PDLIM1: variants seen among roughly 807,000 people sequenced by gnomAD.
The protein encoded by PDLIM1 is PDZ and LIM domain 1.
PDLIM1 carries 25 observed loss-of-function variants against 35.2 expected under a neutral mutation model. The ratio of observed to expected loss-of-function variants is 0.71; its 90% confidence interval spans 0.52 to 0.99. The LOEUF (loss-of-function observed/expected upper bound fraction) is 0.99, where lower values mean the gene tolerates loss of function less well. PDLIM1 is among the 50% of genes least tolerant of loss of function. PDLIM1 has a pLI of 0.00. For missense variants in PDLIM1, 363 were observed against 415.3 expected (o/e 0.87, Z 1.09); for synonymous variants, 152 against 154.0 (o/e 0.99, Z 0.10).
At chr10:95,241,314 C>T (rs545675751) in intron 5 of PDLIM1, among the ~76,000 whole-genome samples, 1 of 152,202 alleles carries the variant, frequency 6.6e-6, no homozygotes, top group South Asian at 2.1e-4. Context: ...TGCCCTCCAG[C>T]GATCCTCCCA....
At chr10:95,286,055 T>C (rs1259489027) in intron 1 of PDLIM1, among the ~76,000 whole-genome samples, 1 of 152,222 alleles carries the variant, frequency 6.6e-6, no homozygotes, top group Non-Finnish European at 1.5e-5. Flanking sequence ...CATGAGAGAC[T>C]AGGACACTCT....
In PDLIM1 at chr10:95,256,981, A is replaced by T. The variant is rs199850823; in HGVS notation, c.533+6883T>A. ...CAGAATGAGACTTCATCTTAAAAAA[A>T]AAAAAAAAGAAAGAAAGAAAGAAAG... On this transcript the variant is annotated intron_variant, in intron 4 of 6. Transcript: ENST00000329399. 6.2e-4 allele frequency among the ~76,000 whole-genome samples: 66 copies of T among 106,554 alleles called. 2 individuals carry two copies. The highest frequency in any genetic ancestry group is 3.8e-3 in the Middle Eastern group (1 of 264). 69.9% of individuals were successfully genotyped at this position (106,554 alleles called of 152,430 possible). A position where few individuals can be genotyped will look rare whatever the true frequency, so the allele number is the denominator to read the frequency against.
chr10:95,271,579 C>A, intron 2 of PDLIM1, 54 bp downstream of exon 2: 1 of 1,505,868 alleles, frequency 6.6e-7, no homozygotes, highest in Non-Finnish European at 8.9e-7. Flanking sequence ...AGTCCCTGCC[C>A]ACAAACAGCT....
At chr10:95,258,073 AAGAG>A (rs951543761) in intron 4 of PDLIM1, among the ~76,000 whole-genome samples, 8 of 152,034 alleles carry the variant, frequency 5.3e-5, no homozygotes, top group African/African-American at 1.9e-4. Context: ...GGAGCAGGCA[AAGAG>A]AGAGAGAGCT....
At chr10:95,256,986 A>AAAAAAAGAAAGAAAG (rs1554832103) in intron 4 of PDLIM1, among the ~76,000 whole-genome samples, 1 of 61,658 alleles carries the variant, frequency 1.6e-5, no homozygotes, top group Non-Finnish European at 3.2e-5. Flanking sequence ...AAAAAAAAAA[A>AAAAAAAGAAAGAAAG]AAAGAAAGAA....
chr10:95,244,062 A>G (rs2133410565), intron 5 of PDLIM1, among the ~76,000 whole-genome samples: 1 of 152,300 alleles, frequency 6.6e-6, no homozygotes. Context: ...TGTACTTAAT[A>G]CCACTAAATT....
intron 5 of PDLIM1, among the ~76,000 whole-genome samples, chr10:95,245,716 G>A (rs992842409): frequency 6.6e-6 from 1 of 152,200 alleles, no homozygotes. Flanking sequence ...GAAAGCAGTG[G>A]TAGAACAGTA....
chr10:95,253,181 T>A (rs2035281065), intron 4 of PDLIM1, among the ~76,000 whole-genome samples: 1 of 152,060 alleles, frequency 6.6e-6, no homozygotes, highest in Admixed American at 6.6e-5. Flanking sequence ...ACAGCAGATT[T>A]CTTATCAGAA....
intron 1 of PDLIM1, among the ~76,000 whole-genome samples, chr10:95,289,152 A>G (rs1482859697): frequency 6.6e-6 from 1 of 152,278 alleles, no homozygotes; most frequent in Non-Finnish European, 1.5e-5. Context: ...CATGTCATAT[A>G]TAAATCTCAG....
At chr10:95,255,949 TA>T (rs2035308142) in intron 4 of PDLIM1, among the ~76,000 whole-genome samples, 1 of 133,976 alleles carries the variant, frequency 7.5e-6, no homozygotes, top group African/African-American at 2.7e-5. Flanking sequence ...TTGGAACTAA[TA>T]AATGAATTCA....
rs747766145 is a variant in PDLIM1, at chr10:95,290,921, G to A, written c.-6C>T. ...TCTATCTGCTGGGTGGTCATGGCGC[G>A]GCTGTGGCGGGCGACGACCCGCGGG... On this transcript the variant is annotated 5_prime_UTR_variant, in exon 1 of 7. Transcript: ENST00000329399. The surrounding 1 kb of genome is among the most constrained non-coding windows in gnomAD (Gnocchi z 4.7). The A allele has an allele frequency of 5.3e-5, 81 of 1,535,918 alleles. No homozygotes were observed. Among genetic ancestry groups the A allele is most frequent in the Non-Finnish European group, 6.7e-5 (76 of 1,138,040 alleles).
In PDLIM1 at chr10:95,264,074, G is replaced by A; in HGVS notation, c.334-11C>T. 1.2e-6 allele frequency: 2 copies of A among 1,612,152 alleles called. No homozygotes were observed. Among genetic ancestry groups the A allele is most frequent in the Non-Finnish European group, 1.7e-6 (2 of 1,178,980 alleles). ...TATGTGCAGGACCTCCTGCAGGCAG[G>A]GATCAGAGGAGAAATCAAGGGGGGC... On this transcript the variant is annotated splice_polypyrimidine_tract_variant and intron_variant, in intron 3 of 6. Coordinates refer to ENST00000329399, the MANE Select transcript of PDLIM1 (RefSeq NM_020992.4).
At chr10:95,241,942 T>C (rs1371710850) in intron 5 of PDLIM1, among the ~76,000 whole-genome samples, 1 of 152,208 alleles carries the variant, frequency 6.6e-6, no homozygotes, top group African/African-American at 2.4e-5. Context: ...GGCTGGCTTA[T>C]GGGGAACAAC....
rs10882575 is a variant in PDLIM1 at position 95,281,293 on chromosome 10, A to G, written c.97-9509T>C. On this transcript the variant is annotated intron_variant, in intron 1 of 6. Transcript: ENST00000329399. The stretch of plus-strand genomic sequence containing the variant: ...CCAAAACAGACTTAAAAAAAAAAAA[A>G]TAGGCCAGGCAGGGATGGCTCATGC... Among the ~76,000 whole-genome samples, 3,688 of 152,092 alleles carry G rather than the reference A, an allele frequency of 0.024. 562 individuals carry two copies. In the East Asian group the frequency reaches 0.42, roughly 17 times the overall value.
chr10:95,242,758 C>G (rs1054065810), intron 5 of PDLIM1, among the ~76,000 whole-genome samples: 16 of 152,148 alleles, frequency 1.1e-4, no homozygotes, highest in African/African-American at 3.9e-4. Flanking sequence ...AGAGGGATCT[C>G]AGAAGGGCCT....
At chr10:95,264,568 G>C (rs1338846876) in intron 3 of PDLIM1, among the ~76,000 whole-genome samples, 1 of 152,210 alleles carries the variant, frequency 6.6e-6, no homozygotes. Flanking sequence ...AGGGGAAGCA[G>C]CTGCTGACTA....
intron 4 of PDLIM1, among the ~76,000 whole-genome samples, chr10:95,248,614 T>C (rs1195889541): frequency 6.6e-6 from 1 of 152,260 alleles, no homozygotes; most frequent in Non-Finnish European, 1.5e-5. Context: ...TCATTTGACT[T>C]AGCACAAAAT....
At chr10:95,260,487 AATG>A (rs1160478036) in intron 4 of PDLIM1, among the ~76,000 whole-genome samples, 9 of 152,068 alleles carry the variant, frequency 5.9e-5, no homozygotes, top group Non-Finnish European at 1.2e-4. Flanking sequence ...GCACTCAATA[AATG>A]ATTATGCTGA....
Position 95,290,098 on chromosome 10 carries a change from G to A in PDLIM1, c.96+722C>T, listed in dbSNP as rs1170945103. Among the ~76,000 whole-genome samples, 1 of 152,032 alleles carries A rather than the reference G, an allele frequency of 6.6e-6. No homozygotes were observed. The highest frequency in any genetic ancestry group is 2.4e-5 in the African/African-American group (1 of 41,392). ...TTCAAGCACCTCAACCCCACCCCAGGTGGACACCCCATCGCAGTATCTACT... is the reference window on the plus strand; with the variant it reads ...TTCAAGCACCTCAACCCCACCCCAGATGGACACCCCATCGCAGTATCTACT... On this transcript the variant is annotated intron_variant, in intron 1 of 6. Transcript: ENST00000329399. This position sits in a 1 kb window ranked among gnomAD's most constrained non-coding sequence, Gnocchi z 4.7.
Sources: gnomAD v4.1 joint callset for allele counts (sites outside exome capture counted in the v4.1 genomes callset) on GRCh38, gnomAD v4.1.1 for gene constraint, Gnocchi (gnomAD v3.1) non-coding constraint, MANE v1.5 for transcripts, NCBI Gene and HGNC (gene_info 2026-07-23, HGNC 2026-07-21) for gene names.